ROBO1: variants seen among roughly 807,000 people sequenced by gnomAD.
ROBO1 encodes roundabout homolog 1.
Under a neutral mutation model 195.9 loss-of-function variants are expected in ROBO1, and 149 were observed. The observed-to-expected ratio is 0.76, with a 90% confidence interval of 0.67 to 0.87. ROBO1 has a LOEUF of 0.87. Ranked by LOEUF, ROBO1 falls within the 40% of genes least tolerant of loss-of-function variation. The pLI is 0.00. For synonymous variants in ROBO1, 816 were observed against 733.2 expected (o/e 1.11, Z -1.82); for missense variants, 1,933 against 2,068.3 (o/e 0.93, Z 1.27).
At chr3:78,980,133 T>C (rs949106372) in intron 3 of ROBO1, among the ~76,000 whole-genome samples, 11 of 152,182 alleles carry the variant, frequency 7.2e-5, no homozygotes, top group Admixed American at 6.6e-4. Context: ...ATTAATGTTA[T>C]AATTATATTT....
At chr3:78,885,586 A>AAT (rs1392204955) in intron 4 of ROBO1, among the ~76,000 whole-genome samples, 1 of 151,568 alleles carries the variant, frequency 6.6e-6, no homozygotes, top group Non-Finnish European at 1.5e-5. Context: ...TTGACACAGA[A>AAT]ATATATATAT....
At chr3:79,381,584 A>G (rs2036577850) in intron 2 of ROBO1, among the ~76,000 whole-genome samples, 1 of 151,792 alleles carries the variant, frequency 6.6e-6, no homozygotes, top group Non-Finnish European at 1.5e-5. Flanking sequence ...CACCTCCTAT[A>G]TGAGTTTTGT....
At chr3:79,637,877 G>A (rs1945541866) in intron 1 of ROBO1, among the ~76,000 whole-genome samples, 1 of 152,068 alleles carries the variant, frequency 6.6e-6, no homozygotes, top group Admixed American at 6.6e-5. Context: ...TAGTCCTCTA[G>A]CTTTCTTTTT....
At chr3:79,492,690 T>A (rs940161413) in intron 2 of ROBO1, among the ~76,000 whole-genome samples, 3 of 152,036 alleles carry the variant, frequency 2.0e-5, no homozygotes, top group African/African-American at 7.2e-5. Flanking sequence ...ACACAAAAAA[T>A]ATTACAGATT....
intron 2 of ROBO1, among the ~76,000 whole-genome samples, chr3:79,418,873 C>T (rs1324912872): frequency 6.6e-6 from 1 of 151,978 alleles, no homozygotes; most frequent in East Asian, 1.9e-4. Context: ...TCTAAGAGGG[C>T]TTGGGGGATG....
At chr3:79,095,615 T>G (rs1260896307) in intron 3 of ROBO1, among the ~76,000 whole-genome samples, 2 of 152,104 alleles carry the variant, frequency 1.3e-5, no homozygotes, top group African/African-American at 4.8e-5. Context: ...CTGGATTCTT[T>G]ACCTTTGGAG....
chr3:79,138,210 G>A (rs1208360160), intron 2 of ROBO1, among the ~76,000 whole-genome samples: 2 of 151,954 alleles, frequency 1.3e-5, no homozygotes, highest in African/African-American at 4.8e-5. Flanking sequence ...AAGTTGAAGG[G>A]TGATTAAGAC....
intron 1 of ROBO1, among the ~76,000 whole-genome samples, chr3:79,736,215 A>T (rs527474690): frequency 6.6e-6 from 1 of 152,294 alleles, no homozygotes; most frequent in Non-Finnish European, 1.5e-5. Context: ...CAAAGACTGA[A>T]GGTGTAACGG....
chr3:79,430,925 AT>A (rs1197456845), intron 2 of ROBO1, among the ~76,000 whole-genome samples: 2 of 152,204 alleles, frequency 1.3e-5, no homozygotes, highest in African/African-American at 4.8e-5. Context: ...CCAAATTTTT[AT>A]TGTTATTGTT....
chr3:79,415,398 G>A (rs777401445), intron 2 of ROBO1, among the ~76,000 whole-genome samples: 29 of 152,032 alleles, frequency 1.9e-4, no homozygotes, highest in Non-Finnish European at 3.7e-4. Flanking sequence ...TTAATTTAAA[G>A]GTTCTTTGAG....
intron 5 of ROBO1, among the ~76,000 whole-genome samples, chr3:78,719,829 T>C (rs1262603768): frequency 1.3e-5 from 2 of 152,230 alleles, no homozygotes; most frequent in Admixed American, 1.3e-4. Flanking sequence ...TTCTTTTGTA[T>C]ATATCTTTTC....
intron 2 of ROBO1, among the ~76,000 whole-genome samples, chr3:79,301,504 T>G (rs1413509501): frequency 5.3e-5 from 8 of 152,224 alleles, no homozygotes. Flanking sequence ...AAATTCTAGG[T>G]CTAAAGGTGA....
chr3:79,283,939 C>T (rs1027014322), intron 2 of ROBO1, among the ~76,000 whole-genome samples: 58 of 151,898 alleles, frequency 3.8e-4, no homozygotes, highest in African/African-American at 1.3e-3. Flanking sequence ...CCTCGTGATC[C>T]GCCCGCCTCG....
chr3:78,855,066 G>C (rs1233885441), intron 4 of ROBO1, among the ~76,000 whole-genome samples: 1 of 151,954 alleles, frequency 6.6e-6, no homozygotes, highest in East Asian at 1.9e-4. Flanking sequence ...TGAAGAGTAT[G>C]CCAATATATA....
intron 8 of ROBO1, 49 bp downstream of exon 8, chr3:78,714,348 A>G (rs551180565): frequency 7.1e-5 from 112 of 1,580,806 alleles, no homozygotes; most frequent in Non-Finnish European, 9.3e-5. Flanking sequence ...TATCAGCACT[A>G]TATTTTGTAT....
chr3:79,436,190 A>T (rs1275524918), intron 2 of ROBO1, among the ~76,000 whole-genome samples: 1 of 152,204 alleles, frequency 6.6e-6, no homozygotes, highest in Non-Finnish European at 1.5e-5. Flanking sequence ...TAATGAATAA[A>T]ATGCCATTTT....
chr3:79,643,403 C>A (rs1399601245), intron 1 of ROBO1, among the ~76,000 whole-genome samples: 3 of 152,050 alleles, frequency 2.0e-5, no homozygotes, highest in Non-Finnish European at 2.9e-5. Flanking sequence ...TAATAAACTC[C>A]CGTTCATATA....
intron 2 of ROBO1, among the ~76,000 whole-genome samples, chr3:79,336,624 G>T (rs1481135349): frequency 6.6e-6 from 1 of 152,180 alleles, no homozygotes; most frequent in Non-Finnish European, 1.5e-5. Flanking sequence ...CTCTGCTAGG[G>T]CAGTGAAGAA....
At chr3:79,710,493 TA>T (rs1338195133) in intron 1 of ROBO1, among the ~76,000 whole-genome samples, 2 of 152,054 alleles carry the variant, frequency 1.3e-5, no homozygotes, top group Non-Finnish European at 2.9e-5. Flanking sequence ...TGAAGTGAAA[TA>T]AAGATTTATG....
Sources: allele counts gnomAD v4.1 joint callset (sites outside exome capture counted in the v4.1 genomes callset), GRCh38; gene constraint gnomAD v4.1.1; transcripts MANE v1.5; gene names NCBI Gene and HGNC (gene_info 2026-07-23, HGNC 2026-07-21).